Variants in GLCCI1 observed in about 807,000 individuals in gnomAD.
GLCCI1 encodes glucocorticoid-induced transcript 1 protein.
A neutral mutation model predicts 52.2 loss-of-function variants in GLCCI1; 24 were observed. The ratio of observed to expected loss-of-function variants is 0.46; its 90% confidence interval spans 0.33 to 0.65. The LOEUF (loss-of-function observed/expected upper bound fraction) is 0.65. Among genes scored for constraint, GLCCI1 ranks in the 30% least tolerant of loss-of-function variants. The pLI is 0.02. For synonymous variants in GLCCI1, 310 were observed against 276.5 expected, an observed-to-expected ratio of 1.12 and a Z score of -1.20; for missense variants, 704 against 701.5, an observed-to-expected ratio of 1.00 and a Z score of -0.04.
intron 5 of GLCCI1, among the ~76,000 whole-genome samples, chr7:8,062,092 C>CA: frequency 6.6e-6 from 1 of 152,132 alleles, no homozygotes; most frequent in East Asian, 1.9e-4. Flanking sequence ...AAAACATCCT[C>CA]AAAAAGCAAA....
At chr7:8,079,745 A>G (rs1782956813) in intron 6 of GLCCI1, among the ~76,000 whole-genome samples, 1 of 151,548 alleles carries the variant, frequency 6.6e-6, no homozygotes, top group Non-Finnish European at 1.5e-5. Flanking sequence ...ATTACAAAAT[A>G]TAAAATACCT....
At chr7:7,997,759 C>A (rs1483119876) in intron 1 of GLCCI1, among the ~76,000 whole-genome samples, 2 of 151,950 alleles carry the variant, frequency 1.3e-5, no homozygotes, top group East Asian at 3.9e-4. Context: ...GAAACCCTGT[C>A]TCTACAAAAA....
At position 7,985,679 on chromosome 7, in the gene GLCCI1, T is replaced by G. The variant is rs114019499; in HGVS notation, c.457+15872T>G. 6.4e-3 allele frequency among the ~76,000 whole-genome samples: 974 copies of G among 152,334 alleles called. 5 individuals carry two copies. Among genetic ancestry groups the G allele is most frequent in the African/African-American group, 0.021 (867 of 41,564 alleles). On this transcript the variant is annotated intron_variant, in intron 1 of 7. Transcript: ENST00000223145. ...ATGCTGAACACCTTGACTGAACTGT[T>G]TACCTCAGAGTTATTTGGTAAGGTG... is the stretch of plus-strand genomic sequence containing the variant.
intron 3 of GLCCI1, among the ~76,000 whole-genome samples, chr7:8,044,367 CTTTTT>C: frequency 7.1e-6 from 1 of 140,976 alleles, no homozygotes; most frequent in Admixed American, 7.1e-5. Context: ...CCTTTTTGTA[CTTTTT>C]TTTTTTTTTT....
intron 2 of GLCCI1, among the ~76,000 whole-genome samples, chr7:8,011,066 C>T (rs1029805486): frequency 6.6e-6 from 1 of 151,918 alleles, no homozygotes; most frequent in Non-Finnish European, 1.5e-5. Flanking sequence ...TTGCAGTGAG[C>T]CGAGATCATG....
At chr7:8,037,752 C>T (rs988419023) in intron 3 of GLCCI1, among the ~76,000 whole-genome samples, 1 of 152,050 alleles carries the variant, frequency 6.6e-6, no homozygotes, top group Non-Finnish European at 1.5e-5. Context: ...GTCATACTTA[C>T]ATCAGATAAA....
chr7:8,028,734 AAG>A (rs1208053761), intron 3 of GLCCI1, among the ~76,000 whole-genome samples: 1 of 152,118 alleles, frequency 6.6e-6, no homozygotes, highest in Non-Finnish European at 1.5e-5. Context: ...AAGAAAAAAA[AAG>A]AATACCCAAA....
intron 6 of GLCCI1, among the ~76,000 whole-genome samples, chr7:8,071,904 A>C (rs1290856172): frequency 1.3e-5 from 2 of 152,150 alleles, no homozygotes; most frequent in Non-Finnish European, 2.9e-5. Context: ...TAAAACTATA[A>C]AAAGTTAGAC....
intron 2 of GLCCI1, among the ~76,000 whole-genome samples, chr7:8,020,310 G>A (rs781752188): frequency 3.6e-4 from 54 of 151,984 alleles, no homozygotes; most frequent in Non-Finnish European, 4.0e-4. Flanking sequence ...CCACTGTTAG[G>A]TATACCATCC....
intron 2 of GLCCI1, among the ~76,000 whole-genome samples, chr7:8,020,900 GA>G (rs933106025): frequency 6.6e-6 from 1 of 152,150 alleles, no homozygotes; most frequent in African/African-American, 2.4e-5. Flanking sequence ...ATTATTTTCA[GA>G]GTACGTCATC....
At chr7:8,034,248 A>G (rs2127952603) in intron 3 of GLCCI1, among the ~76,000 whole-genome samples, 1 of 152,314 alleles carries the variant, frequency 6.6e-6, no homozygotes, top group East Asian at 1.9e-4. Context: ...GAGAAAAATC[A>G]GCTTTCAGTG....
chr7:7,997,141 T>C (rs1042650144), intron 1 of GLCCI1, among the ~76,000 whole-genome samples: 1 of 152,190 alleles, frequency 6.6e-6, no homozygotes, highest in African/African-American at 2.4e-5. Context: ...TAATGTACAT[T>C]AGATTGGGTA....
rs544484103 is a variant in GLCCI1 at position 8,004,368 on chromosome 7, T to C, written c.609+309T>C. The C allele has an allele frequency of 3.1e-4, 58 of 187,320 alleles. 1 individual carries two copies. In the South Asian group the frequency reaches 8.0e-3, roughly 26 times the overall value. 11.6% of individuals were successfully genotyped at this position (187,320 alleles called of 1,614,324 possible). A position where few individuals can be genotyped will look rare whatever the true frequency, so the allele number is the denominator to read the frequency against. ...TGACTGGTAACCATTTTAGAAAATA[T>C]AATTTTTTAAGAAGAGTTTGCACCG... On this transcript the variant is annotated intron_variant, in intron 2 of 7. Coordinates refer to ENST00000223145, the MANE Select transcript of GLCCI1 (RefSeq NM_138426.4).
intron 2 of GLCCI1, among the ~76,000 whole-genome samples, chr7:8,007,048 C>CAAGA (rs1265932472): frequency 1.3e-5 from 2 of 152,160 alleles, no homozygotes; most frequent in Non-Finnish European, 2.9e-5. Context: ...AACGTCCATG[C>CAAGA]TCTTTGCTCC....
intron 6 of GLCCI1, among the ~76,000 whole-genome samples, chr7:8,080,930 T>C (rs926994396): frequency 6.7e-6 from 1 of 149,824 alleles, no homozygotes; most frequent in Non-Finnish European, 1.5e-5. Flanking sequence ...CGCCTCAGCC[T>C]CCCTAAAATG....
chr7:7,970,379 C>G (rs1414216808), intron 1 of GLCCI1: 2 of 151,298 alleles, frequency 1.3e-5, no homozygotes, highest in Non-Finnish European at 2.9e-5. Flanking sequence ...CCCTCTCTCC[C>G]TCTCCCCCAG....
chr7:8,055,308 G>C (rs1168345031), intron 3 of GLCCI1, 125 bp from the exon 4 acceptor site: 2 of 503,102 alleles, frequency 4.0e-6, no homozygotes, highest in African/African-American at 3.9e-5. Flanking sequence ...TCATGGTGGT[G>C]AAATATTGTC....
rs573824233 is a variant in GLCCI1 at position 8,086,075 on chromosome 7, T to C, written c.1299-118T>C. 5.9e-4 allele frequency: 491 copies of C among 825,598 alleles called. 3 individuals are homozygous for C. In the South Asian group the frequency reaches 7.8e-3, roughly 13 times the overall value. The allele number at this position is 825,598 out of a possible 1,614,324, so 51.1% of individuals were successfully genotyped here. On this transcript the variant is annotated intron_variant, in intron 7 of 7. Transcript: ENST00000223145. The surrounding 1 kb of genome is among the most constrained non-coding windows in gnomAD (Gnocchi z 4.4). ...AAGATGTTTACCCCTCTGTATACACTTAACCCATCTCCTGCCATTTACATT... is the reference window on the plus strand; with the variant it reads ...AAGATGTTTACCCCTCTGTATACACCTAACCCATCTCCTGCCATTTACATT...
intron 3 of GLCCI1, among the ~76,000 whole-genome samples, chr7:8,044,742 G>A (rs1782083743): frequency 6.6e-6 from 1 of 152,164 alleles, no homozygotes; most frequent in Admixed American, 6.5e-5. Flanking sequence ...TGATTAAAAT[G>A]TCAGTAAAAG....
Sources: gnomAD v4.1 joint callset for allele counts (sites outside exome capture counted in the v4.1 genomes callset) on GRCh38, gnomAD v4.1.1 for gene constraint, Gnocchi (gnomAD v3.1) non-coding constraint, MANE v1.5 for transcripts, NCBI Gene and HGNC (gene_info 2026-07-23, HGNC 2026-07-21) for gene names.